The following RPS8 variants were observed in gnomAD, a reference collection of about 807,000 sequenced individuals.
RPS8 encodes the protein small ribosomal subunit protein eS8.
For synonymous variants in RPS8, 100 were observed against 100.7 expected, an observed-to-expected ratio of 0.99 and a Z score of 0.04; for missense variants, 141 against 269.7, an observed-to-expected ratio of 0.52 and a Z score of 3.34.
At chr1:44,778,332 A>G in intron 5 of RPS8, 1 of 830,050 alleles carries the variant, frequency 1.2e-6, no homozygotes, top group Non-Finnish European at 2.1e-6. Context: ...GAGTCTGCAT[A>G]GGCCCGTGCT....
At position 44,778,669 on chromosome 1, in the gene RPS8, C is replaced by T; in HGVS notation, c.611C>T (p.Ala204Val). 2.5e-6 allele frequency: 4 copies of T among 1,609,058 alleles called. No individual in the cohort carries two copies. The highest frequency in any genetic ancestry group is 2.5e-6 in the Non-Finnish European group (3 of 1,177,644). ...GAGTTCTATCTTAGGAAAATCAAGG[C>T]CCGCAAAGGCAAATAAATCCTTGTT... Reference protein sequence around the residue: ...ELEFYLRKIKARKGK With the variant: ...ELEFYLRKIKVRKGK Residue 204 changes from alanine to valine, a missense_variant, in exon 6 of 6, where the codon GCC (alanine) becomes GTC (valine). By Grantham distance (64) the Ala-to-Val change is moderately conservative (BLOSUM62 0). Coordinates refer to ENST00000396651, the MANE Select transcript of RPS8 (RefSeq NM_001012.2).
intron 2 of RPS8, 24 bp downstream of exon 2, chr1:44,776,164 C>T (rs548151280): frequency 6.5e-7 from 1 of 1,533,902 alleles, no homozygotes; most frequent in African/African-American, 1.4e-5. Flanking sequence ...TGGGCCTGTC[C>T]GCCTGGGAGG....
In RPS8 at chr1:44,777,786, G is replaced by A. The variant is rs781121879; in HGVS notation, c.384G>A (p.Lys128=). The change falls in exon 4 of 6, where the codon AAG becomes AAA. Residue 128 remains lysine, a synonymous_variant. Transcript: ENST00000396651. ...ALPLGRKKGA[K]LTPEEEEILN... ...CCCTGGGCCGCAAGAAGGGAGCCAAGCTGGTGCGTGTTACTTCCCTGTAGG... is the reference window on the plus strand; with the variant it reads ...CCCTGGGCCGCAAGAAGGGAGCCAAACTGGTGCGTGTTACTTCCCTGTAGG... The A allele has an allele frequency of 3.7e-5, 60 of 1,614,186 alleles. No individual in the cohort carries two copies. The highest frequency in any genetic ancestry group is 3.6e-5 in the Non-Finnish European group (42 of 1,179,998).
intron 2 of RPS8, 85 bp downstream of exon 2, chr1:44,776,225 T>G (rs1474143775): frequency 1.0e-5 from 10 of 980,508 alleles, no homozygotes; most frequent in Non-Finnish European, 1.4e-5. Flanking sequence ...GTGACAGTTG[T>G]GCGTTCTTTC....
intron 1 of RPS8, 104 bp from the exon 2 acceptor site, chr1:44,775,930 G>C: frequency 9.3e-7 from 1 of 1,076,112 alleles, no homozygotes; most frequent in Non-Finnish European, 1.5e-6. Flanking sequence ...CAACCTTGGA[G>C]AGCTGAGCGT....
At position 44,778,353 on chromosome 1, in the gene RPS8, G is replaced by T. The variant is rs142345455; in HGVS notation, c.518-223G>T. The T allele has an allele frequency of 4.1e-3, 3,376 of 814,294 alleles. 8 individuals carry two copies. Among genetic ancestry groups the T allele is most frequent in the Non-Finnish European group, 5.1e-3 (2,316 of 455,474 alleles). The allele number at this position is 814,294 out of a possible 1,614,324, so 50.4% of individuals were successfully genotyped here. A position where few individuals can be genotyped will look rare whatever the true frequency, so the allele number is the denominator to read the frequency against. Reference sequence around the variant, plus strand: ...GCATAGGCCCGTGCTTGGAGTCTTTGTATTTGGGGAAGTCTCTGCCCAGGC... The same window carrying T: ...GCATAGGCCCGTGCTTGGAGTCTTTTTATTTGGGGAAGTCTCTGCCCAGGC... On this transcript the variant is annotated intron_variant, in intron 5 of 5. Coordinates refer to ENST00000396651, the MANE Select transcript of RPS8 (RefSeq NM_001012.2).
intron 1 of RPS8, 50 bp downstream of exon 1, chr1:44,775,650 A>G: frequency 1.2e-6 from 2 of 1,612,008 alleles, no homozygotes; most frequent in Non-Finnish European, 1.7e-6. Flanking sequence ...GAGCTCAATC[A>G]GGCCCCATCC....
intron 3 of RPS8, chr1:44,777,035 C>A (rs984875212): frequency 1.1e-5 from 4 of 370,142 alleles, no homozygotes; most frequent in African/African-American, 8.6e-5. Flanking sequence ...GCTGAAAGAT[C>A]TTAAGGTAGC....
At chr1:44,777,951 A>G (rs1246530838) in intron 4 of RPS8, 49 bp from the exon 5 acceptor site, 10 of 1,612,438 alleles carry the variant, frequency 6.2e-6, no homozygotes, top group Non-Finnish European at 8.5e-6. Flanking sequence ...GAAAGCTCCC[A>G]GGGCCTGCCT....
intron 2 of RPS8, 26 bp downstream of exon 2, chr1:44,776,166 C>T: frequency 6.6e-7 from 1 of 1,523,140 alleles, no homozygotes; most frequent in Non-Finnish European, 8.9e-7. Flanking sequence ...GGCCTGTCCG[C>T]CTGGGAGGTC....
In RPS8 at chr1:44,778,075, A is replaced by G; in HGVS notation, c.463A>G (p.Asn155Asp). The part of the protein sequence containing the change: ...IQKKYDERKK[N>D]AKISSLLEEQ... ...GAAGAAATATGATGAAAGGAAAAAGAATGCCAAAATCAGCAGTCTCCTGGA... is the reference window on the plus strand; with the variant it reads ...GAAGAAATATGATGAAAGGAAAAAGGATGCCAAAATCAGCAGTCTCCTGGA... The change falls in exon 5 of 6, where the codon AAT (asparagine) becomes GAT (aspartate). Residue 155 changes from asparagine (N) to aspartate (D), a missense_variant. Coordinates refer to ENST00000396651, the MANE Select transcript of RPS8 (RefSeq NM_001012.2). 1.2e-6 allele frequency: 2 copies of G among 1,609,222 alleles called. No homozygotes were observed. Among genetic ancestry groups the G allele is most frequent in the Non-Finnish European group, 1.7e-6 (2 of 1,177,384 alleles).
At chr1:44,776,839 G>A (rs1168503909) in intron 3 of RPS8, 65 bp downstream of exon 3, 44 of 1,293,782 alleles carry the variant, frequency 3.4e-5, no homozygotes, top group East Asian at 4.8e-5. Flanking sequence ...TTCACCAAGT[G>A]GGCCTGGCGC....
rs1172927883 is a variant in RPS8 at position 44,776,098 on chromosome 1, G to A, written c.69G>A (p.Lys23=). Residue 23 remains lysine, a synonymous_variant, in exon 2 of 6, where the codon AAG becomes AAA. Coordinates refer to ENST00000396651, the MANE Select transcript of RPS8 (RefSeq NM_001012.2). ...GGGGCAAGAGAAAGCCCTACCACAA[G>A]AAGCGGAAGTATGAGTTGGGGCGCC... ...KTGGKRKPYH[K]KRKYELGRPA... is the part of the protein sequence containing the mutation. 25 of 1,609,660 alleles carry A rather than the reference G, an allele frequency of 1.6e-5. No individual in the cohort carries two copies. Among genetic ancestry groups the A allele is most frequent in the Non-Finnish European group, 2.0e-5 (24 of 1,178,858 alleles).
Position 44,777,793 on chromosome 1 carries a change from C to T in RPS8, c.387+4C>T, listed in dbSNP as rs748169878. ...CCGCAAGAAGGGAGCCAAGCTGGTG[C>T]GTGTTACTTCCCTGTAGGGGTTGTG... On this transcript the variant is annotated splice_donor_region_variant and intron_variant, in intron 4 of 5. Coordinates refer to ENST00000396651, the MANE Select transcript of RPS8 (RefSeq NM_001012.2). 20 of 1,613,796 alleles carry T rather than the reference C, an allele frequency of 1.2e-5. No homozygotes were observed. Among genetic ancestry groups the T allele is most frequent in the East Asian group, 2.2e-5 (1 of 44,888 alleles).
chr1:44,775,892 C>T (rs1650830665), intron 1 of RPS8, 142 bp from the exon 2 acceptor site: 1 of 859,294 alleles, frequency 1.2e-6, no homozygotes, highest in Non-Finnish European at 2.0e-6. Flanking sequence ...GGTAATGCTG[C>T]ATACTCCCGA....
In RPS8 at chr1:44,776,569, C is replaced by A. The variant is rs377221663; in HGVS notation, c.112-106C>A. 7.4e-6 allele frequency: 7 copies of A among 942,202 alleles called. No homozygotes were observed. The East Asian group carries it at 1.7e-4, about 23-fold the overall frequency. 58.4% of individuals were successfully genotyped at this position (942,202 alleles called of 1,614,324 possible). On this transcript the variant is annotated intron_variant, in intron 2 of 5. Coordinates refer to ENST00000396651, the MANE Select transcript of RPS8 (RefSeq NM_001012.2). Reference sequence around the variant, plus strand: ...TGTGTGCCACTTGCCAATGCAAGGACTTGTCATAGTTACACTGACTGTTGC... The same window carrying A: ...TGTGTGCCACTTGCCAATGCAAGGAATTGTCATAGTTACACTGACTGTTGC...
At chr1:44,777,822 A>G in intron 4 of RPS8, 33 bp downstream of exon 4, 3 of 1,610,828 alleles carry the variant, frequency 1.9e-6, no homozygotes, top group Non-Finnish European at 2.5e-6. Flanking sequence ...GGTTGTGGGG[A>G]GGGCAGCCTG....
intron 1 of RPS8, 166 bp downstream of exon 1, chr1:44,775,766 C>A: frequency 1.0e-6 from 1 of 985,360 alleles, no homozygotes; most frequent in Non-Finnish European, 1.6e-6. Flanking sequence ...TCTCTGGGGG[C>A]TGCGAAGGCT....
intron 5 of RPS8, 167 bp from the exon 6 acceptor site, chr1:44,778,407 TTG>T (rs1650937477): frequency 2.5e-6 from 2 of 810,298 alleles, no homozygotes; most frequent in Non-Finnish European, 4.5e-6. Context: ...GATGAAAACT[TTG>T]TCCAGTTCTG....
Sources: gnomAD v4.1 joint callset for allele counts on GRCh38, gnomAD v4.1.1 for gene constraint, MANE v1.5 for transcripts, NCBI Gene and HGNC (gene_info 2026-07-23, HGNC 2026-07-21) for gene names.